ZCCHC7: variants seen among roughly 807,000 people sequenced by gnomAD.
ZCCHC7 encodes the protein zinc finger CCHC domain-containing protein 7.
A neutral mutation model predicts 52.0 loss-of-function variants in ZCCHC7; 35 were observed. That is an observed-to-expected ratio of 0.67 (90% CI 0.51 to 0.89). ZCCHC7 has a LOEUF of 0.89. ZCCHC7 is among the 40% of genes least tolerant of loss of function. ZCCHC7 has a pLI of 0.00. For missense variants in ZCCHC7, 574 were observed against 649.1 expected (o/e 0.88, Z 1.26); for synonymous variants, 217 against 221.5 (o/e 0.98, Z 0.18).
intron 2 of ZCCHC7, among the ~76,000 whole-genome samples, chr9:37,275,608 C>A (rs1395470766): frequency 2.6e-5 from 4 of 152,008 alleles, no homozygotes; most frequent in Non-Finnish European, 5.9e-5. Flanking sequence ...TGTTTATCTT[C>A]CACTTTAACA....
chr9:37,245,677 G>A (rs942555662), intron 2 of ZCCHC7, among the ~76,000 whole-genome samples: 1 of 151,800 alleles, frequency 6.6e-6, no homozygotes, highest in African/African-American at 2.4e-5. Context: ...TTCACTTTTG[G>A]GAAATCAGGT....
At chr9:37,274,646 T>G (rs1251747271) in intron 2 of ZCCHC7, among the ~76,000 whole-genome samples, 1 of 152,128 alleles carries the variant, frequency 6.6e-6, no homozygotes, top group East Asian at 1.9e-4. Flanking sequence ...GCCTCTAATT[T>G]CTTAATGGTT....
chr9:37,347,979 T>C (rs1821096776), intron 6 of ZCCHC7, among the ~76,000 whole-genome samples: 1 of 152,238 alleles, frequency 6.6e-6, no homozygotes, highest in East Asian at 1.9e-4. Context: ...CACAGGCTCC[T>C]CTGCCCACCC....
intron 6 of ZCCHC7, among the ~76,000 whole-genome samples, chr9:37,347,786 A>C (rs149119273): frequency 2.2e-4 from 34 of 152,346 alleles, no homozygotes; most frequent in Admixed American, 7.8e-4. Context: ...CAGAATTTTC[A>C]CAGTAAGGTT....
In ZCCHC7 at chr9:37,302,762, G is replaced by A. The variant is rs1829093913; in HGVS notation, c.654+531G>A. On this transcript the variant is annotated intron_variant, in intron 3 of 8. Transcript: ENST00000336755. ...ACCAAACAAGCTAAAGCATGGTTGG[G>A]ATTTACAGTTCCTCTTTAGATATTC... is the stretch of plus-strand genomic sequence containing the variant. Among the ~76,000 whole-genome samples the A allele has an allele frequency of 2.0e-5, 3 of 152,144 alleles. No individual in the cohort carries two copies. In the South Asian group the frequency reaches 6.2e-4, roughly 31 times the overall value.
In ZCCHC7 at chr9:37,126,582, C is replaced by A; in HGVS notation, c.250C>A (p.Gln84Lys). 1 of 1,614,106 alleles carries A rather than the reference C, an allele frequency of 6.2e-7. No individual in the cohort carries two copies. Among genetic ancestry groups the A allele is most frequent in the South Asian group, 1.1e-5 (1 of 91,084 alleles). ...CGTCCTTTCAGATAGTGAGGTCATC[C>A]AGCTGTCAGATGGGTCAGAGGTCAT... Reference protein sequence around the residue: ...LIVLSDSEVIQLSDGSEVITL... With the variant: ...LIVLSDSEVIKLSDGSEVITL... Residue 84 changes from glutamine (Q) to lysine (K), a missense_variant, in exon 2 of 9, where the codon CAG (glutamine) becomes AAG (lysine). Around this residue, in one of 3 missense-constraint regions of ZCCHC7, gnomAD observed 403 missense variants for 461.2 expected, o/e 0.87. Coordinates refer to ENST00000336755, the MANE Select transcript of ZCCHC7 (RefSeq NM_032226.3).
chr9:37,288,446 C>T (rs1365020028), intron 2 of ZCCHC7, among the ~76,000 whole-genome samples: 1 of 150,742 alleles, frequency 6.6e-6, no homozygotes, highest in East Asian at 1.9e-4. Flanking sequence ...CAAGTCATGT[C>T]TTGCCATAAT....
intron 2 of ZCCHC7, among the ~76,000 whole-genome samples, chr9:37,279,931 G>A (rs1347471208): frequency 6.6e-6 from 1 of 151,986 alleles, no homozygotes; most frequent in African/African-American, 2.4e-5. Context: ...GAGGCGGGCG[G>A]ATCACGAGGT....
intron 2 of ZCCHC7, among the ~76,000 whole-genome samples, chr9:37,224,768 G>C (rs973185679): frequency 6.6e-6 from 1 of 152,184 alleles, no homozygotes. Flanking sequence ...GAAGTGATGA[G>C]ATCCACAAAT....
chr9:37,238,797 C>T (rs1038877554), intron 2 of ZCCHC7, among the ~76,000 whole-genome samples: 2 of 151,938 alleles, frequency 1.3e-5, no homozygotes, highest in Non-Finnish European at 2.9e-5. Context: ...CAGCAATTAA[C>T]ATCACGATTG....
intron 1 of ZCCHC7, 51 bp from the exon 2 acceptor site, chr9:37,126,261 C>T (rs1176958926): frequency 6.7e-7 from 1 of 1,496,406 alleles, no homozygotes. Context: ...CTTAAACTGG[C>T]ATGATCTGAA....
chr9:37,163,400 A>G lies in ZCCHC7; in HGVS notation c.610+36458A>G, dbSNP rs986499061. 7.3e-5 allele frequency among the ~76,000 whole-genome samples: 11 copies of G among 151,656 alleles called. No individual in the cohort carries two copies. In the East Asian group the frequency reaches 1.2e-3, roughly 16 times the overall value. Reference sequence around the variant, plus strand: ...GACTCCATCTCAAAAAAAAAAAAAAAAAAAGAAAAGAAAAAAATAGCAGTT... The same window carrying G: ...GACTCCATCTCAAAAAAAAAAAAAAGAAAAGAAAAGAAAAAAATAGCAGTT... On this transcript the variant is annotated intron_variant, in intron 2 of 8. Coordinates refer to ENST00000336755, the MANE Select transcript of ZCCHC7 (RefSeq NM_032226.3).
chr9:37,305,580 C>T lies in ZCCHC7; in HGVS notation c.817C>T (p.His273Tyr), dbSNP rs202042140. 2 of 1,614,078 alleles carry T rather than the reference C, an allele frequency of 1.2e-6. No individual in the cohort carries two copies. Among genetic ancestry groups the T allele is most frequent in the East Asian group, 2.2e-5 (1 of 44,884 alleles). ...CTGCTTCCTGTGCTCCAGGAGAGGA[C>T]ATCTCCTGTATTCCTGTCCAGCCCC... The part of the protein sequence containing the change: ...RRCFLCSRRG[H>Y]LLYSCPAPLC... The change falls in exon 5 of 9, where the codon CAT becomes TAT. Residue 273 changes from histidine to tyrosine, a missense_variant. By Grantham distance (83) the His-to-Tyr change is moderately conservative (BLOSUM62 2). Around this residue, in one of 3 missense-constraint regions of ZCCHC7, gnomAD observed 403 missense variants for 461.2 expected, o/e 0.87. Transcript: ENST00000336755.
chr9:37,148,035 C>G (rs11999548), intron 2 of ZCCHC7, among the ~76,000 whole-genome samples: 1 of 152,022 alleles, frequency 6.6e-6, no homozygotes, highest in Non-Finnish European at 1.5e-5. Flanking sequence ...AGAATCTATA[C>G]TTGCATCTGT....
intron 2 of ZCCHC7, among the ~76,000 whole-genome samples, chr9:37,269,638 AAAAAAAAAC>A (rs1827301422): frequency 6.7e-5 from 10 of 148,796 alleles, no homozygotes; most frequent in Non-Finnish European, 1.2e-4. Flanking sequence ...AAAAAAAAAA[AAAAAAAAAC>A]AAAAGAAGTT....
chr9:37,254,837 C>CTTTTTATT (rs1826499715), intron 2 of ZCCHC7, among the ~76,000 whole-genome samples: 1 of 93,472 alleles, frequency 1.1e-5, no homozygotes, highest in Admixed American at 1.4e-4. Context: ...CAAAAAGTTT[C>CTTTTTATT]TTTTTTTTTT....
chr9:37,201,000 A>T (rs1455229155), intron 2 of ZCCHC7, among the ~76,000 whole-genome samples: 1 of 152,266 alleles, frequency 6.6e-6, no homozygotes, highest in Non-Finnish European at 1.5e-5. Context: ...GAGGGAGAGC[A>T]CTAATGGGTA....
chr9:37,272,419 T>C (rs1271444227), intron 2 of ZCCHC7, among the ~76,000 whole-genome samples: 2 of 141,098 alleles, frequency 1.4e-5, no homozygotes, highest in African/African-American at 2.7e-5. Flanking sequence ...AGAAAAATTA[T>C]AAATTGAACA....
chr9:37,179,167 T>G (rs989481734), intron 2 of ZCCHC7, among the ~76,000 whole-genome samples: 2 of 152,188 alleles, frequency 1.3e-5, no homozygotes, highest in Non-Finnish European at 2.9e-5. Flanking sequence ...TGGTGTGTGT[T>G]TTTTCCCTTT....
Sources: allele counts gnomAD v4.1 joint callset (sites outside exome capture counted in the v4.1 genomes callset), GRCh38; gene constraint gnomAD v4.1.1; regional missense constraint gnomAD v4.1.1; transcripts MANE v1.5; gene names NCBI Gene and HGNC (gene_info 2026-07-23, HGNC 2026-07-21).